Variants in PPARGC1A observed in about 807,000 individuals in gnomAD.
The protein encoded by PPARGC1A is PPARG coactivator 1 alpha, also known as peroxisome proliferator-activated receptor gamma coactivator 1-alpha.
A neutral mutation model predicts 88.7 loss-of-function variants in PPARGC1A; 25 were observed. That is an observed-to-expected ratio of 0.28 (90% CI 0.21 to 0.39). The LOEUF (loss-of-function observed/expected upper bound fraction) is 0.39. PPARGC1A is among the 10% of genes least tolerant of loss of function. PPARGC1A has a pLI of 1.00. For synonymous variants in PPARGC1A, 363 were observed against 355.6 expected, an observed-to-expected ratio of 1.02 and a Z score of -0.24; for missense variants, 880 against 968.7, an observed-to-expected ratio of 0.91 and a Z score of 1.22.
the PPARGC1A span, among the ~76,000 whole-genome samples, chr4:24,299,630 A>G: frequency 6.6e-6 from 1 of 152,160 alleles, no homozygotes. Flanking sequence ...AAATATTTAA[A>G]TGATCATATG....
chr4:23,998,902 A>G, the PPARGC1A span, among the ~76,000 whole-genome samples: 2 of 152,226 alleles, frequency 1.3e-5, no homozygotes, highest in African/African-American at 2.4e-5. Context: ...GACTGTTTCA[A>G]TGATTAAAAT....
the PPARGC1A span, among the ~76,000 whole-genome samples, chr4:24,330,608 A>G: frequency 6.6e-6 from 1 of 152,208 alleles, no homozygotes; most frequent in African/African-American, 2.4e-5. Flanking sequence ...CAAAATTGTA[A>G]GAGAGAATAA....
chr4:24,172,083 T>C, the PPARGC1A span, among the ~76,000 whole-genome samples: 1 of 151,948 alleles, frequency 6.6e-6, no homozygotes, highest in African/African-American at 2.4e-5. Flanking sequence ...CCAACAGCAG[T>C]CCTCTACTAT....
chr4:23,857,656 G>A (rs28608135), intron 2 of PPARGC1A, among the ~76,000 whole-genome samples: 85,159 of 151,060 alleles, frequency 0.56, 24,007 homozygotes, highest in Middle Eastern at 0.63. Context: ...TGACTGCCCA[G>A]TAGATTTGTA....
At chr4:24,194,612 ACG>A in the PPARGC1A span, among the ~76,000 whole-genome samples, 11 of 56,720 alleles carry the variant, frequency 1.9e-4, no homozygotes, top group East Asian at 1.5e-3. Context: ...GCTGGCACAC[ACG>A]CGCGCGCACG....
chr4:24,195,637 A>G, the PPARGC1A span, among the ~76,000 whole-genome samples: 1 of 152,226 alleles, frequency 6.6e-6, no homozygotes, highest in African/African-American at 2.4e-5. Flanking sequence ...TTAAGACCAT[A>G]AATTCAATAC....
the PPARGC1A span, among the ~76,000 whole-genome samples, chr4:24,316,652 C>T: frequency 2.6e-5 from 4 of 152,240 alleles, no homozygotes; most frequent in African/African-American, 9.6e-5. Context: ...GCCATTTACT[C>T]ATGCAAGACC....
the PPARGC1A span, among the ~76,000 whole-genome samples, chr4:24,336,880 T>C: frequency 1.3e-5 from 2 of 152,212 alleles, no homozygotes; most frequent in African/African-American, 4.8e-5. Flanking sequence ...CTGGGCAACA[T>C]AGCAAGATCC....
chr4:24,415,311 T>A, the PPARGC1A span, among the ~76,000 whole-genome samples: 1 of 152,152 alleles, frequency 6.6e-6, no homozygotes, highest in Non-Finnish European at 1.5e-5. Flanking sequence ...ACTTTATTTA[T>A]AAGAAAGAAA....
At chr4:24,035,713 T>TA in the PPARGC1A span, among the ~76,000 whole-genome samples, 1 of 152,178 alleles carries the variant, frequency 6.6e-6, no homozygotes, top group African/African-American at 2.4e-5. Flanking sequence ...AAACAACTTT[T>TA]CTTTGGGAGT....
the PPARGC1A span, among the ~76,000 whole-genome samples, chr4:24,162,382 A>G: frequency 1.3e-5 from 2 of 152,142 alleles, no homozygotes; most frequent in African/African-American, 2.4e-5. Context: ...ATAAAATAAA[A>G]TAAAATAAAA....
At chr4:24,401,297 C>A in the PPARGC1A span, among the ~76,000 whole-genome samples, 1 of 151,806 alleles carries the variant, frequency 6.6e-6, no homozygotes, top group East Asian at 1.9e-4. Context: ...GGATTACAGG[C>A]GTGAGCCACT....
At chr4:24,309,783 G>C in the PPARGC1A span, among the ~76,000 whole-genome samples, 1 of 152,158 alleles carries the variant, frequency 6.6e-6, no homozygotes, top group Non-Finnish European at 1.5e-5. Context: ...CACCCTGGCT[G>C]CTGCGTGATG....
At chr4:24,393,042 CACA>C in the PPARGC1A span, among the ~76,000 whole-genome samples, 12 of 131,844 alleles carry the variant, frequency 9.1e-5, no homozygotes, top group Admixed American at 5.5e-4. Flanking sequence ...CACACACACA[CACA>C]CACCCCTTTT....
At chr4:24,150,721 T>C in the PPARGC1A span, among the ~76,000 whole-genome samples, 1 of 152,116 alleles carries the variant, frequency 6.6e-6, no homozygotes, top group African/African-American at 2.4e-5. Context: ...CTTTGGCAGA[T>C]GAGGACTCTG....
the PPARGC1A span, among the ~76,000 whole-genome samples, chr4:24,227,934 G>A: frequency 2.6e-5 from 4 of 152,314 alleles, no homozygotes; most frequent in African/African-American, 9.6e-5. Context: ...GTTTCCATGG[G>A]GGAAAGATTT....
the PPARGC1A span, among the ~76,000 whole-genome samples, chr4:24,015,544 G>C: frequency 6.6e-6 from 1 of 152,088 alleles, no homozygotes; most frequent in Non-Finnish European, 1.5e-5. Flanking sequence ...TCCTAGATCT[G>C]GCTTTTATTT....
the PPARGC1A span, among the ~76,000 whole-genome samples, chr4:24,295,536 A>T: frequency 4.6e-5 from 7 of 151,918 alleles, no homozygotes; most frequent in African/African-American, 1.7e-4. Flanking sequence ...GAAAAACCTA[A>T]CTTTATCTTG....
the PPARGC1A span, among the ~76,000 whole-genome samples, chr4:24,121,908 C>T: frequency 1.2e-4 from 19 of 152,292 alleles, no homozygotes; most frequent in Admixed American, 9.8e-4. Flanking sequence ...TAACCCTGAA[C>T]TCGAGTTCCC....
Sources: allele counts gnomAD v4.1 joint callset (sites outside exome capture counted in the v4.1 genomes callset), GRCh38; gene constraint gnomAD v4.1.1; transcripts MANE v1.5; gene names NCBI Gene and HGNC (gene_info 2026-07-23, HGNC 2026-07-21).